The following KHDRBS2 variants were observed in gnomAD, a reference collection of about 807,000 sequenced individuals.
The protein encoded by KHDRBS2 is KH RNA binding domain containing, signal transduction associated 2.
In KHDRBS2, 26 loss-of-function variants were observed where a neutral mutation model predicts 44.3. That is an observed-to-expected ratio of 0.59 (90% CI 0.43 to 0.81). The LOEUF (loss-of-function observed/expected upper bound fraction) is 0.81, where lower values mean the gene tolerates loss of function less well. KHDRBS2 is among the 40% of genes least tolerant of loss of function. The pLI is 0.00. For synonymous variants in KHDRBS2, 194 were observed against 151.1 expected (o/e 1.28, Z -2.08); for missense variants, 476 against 433.1 (o/e 1.10, Z -0.88).
At chr6:62,033,349 A>C (rs1325964676) in intron 3 of KHDRBS2, among the ~76,000 whole-genome samples, 1 of 151,960 alleles carries the variant, frequency 6.6e-6, no homozygotes, top group African/African-American at 2.4e-5. Context: ...ATCAATACTA[A>C]AGTACAAGAA....
chr6:61,594,697 C>A, the KHDRBS2 span, among the ~76,000 whole-genome samples: 1 of 152,028 alleles, frequency 6.6e-6, no homozygotes, highest in Non-Finnish European at 1.5e-5. Flanking sequence ...ACTTTTTGGA[C>A]AATGCTTCCC....
intron 2 of KHDRBS2, among the ~76,000 whole-genome samples, chr6:62,173,364 A>G (rs1318877300): frequency 2.6e-5 from 4 of 152,104 alleles, no homozygotes; most frequent in Non-Finnish European, 5.9e-5. Flanking sequence ...CTGGACACAT[A>G]CAACCTCCCA....
At chr6:61,791,439 T>G (rs184930312) in intron 6 of KHDRBS2, among the ~76,000 whole-genome samples, 3 of 151,642 alleles carry the variant, frequency 2.0e-5, no homozygotes, top group East Asian at 1.9e-4. Context: ...TTATTATCAT[T>G]GAATTATAAA....
At chr6:61,720,163 A>C (rs1452333043) in intron 7 of KHDRBS2, among the ~76,000 whole-genome samples, 2 of 152,192 alleles carry the variant, frequency 1.3e-5, no homozygotes, top group Non-Finnish European at 2.9e-5. Flanking sequence ...ACGTTTTCTT[A>C]ATCCAGTCTA....
the KHDRBS2 span, among the ~76,000 whole-genome samples, chr6:61,671,007 A>G: frequency 6.6e-6 from 1 of 151,648 alleles, no homozygotes; most frequent in Non-Finnish European, 1.5e-5. Flanking sequence ...GGTATTGCGA[A>G]AATGACACAA....
At chr6:61,577,844 A>G in the KHDRBS2 span, among the ~76,000 whole-genome samples, 1 of 152,208 alleles carries the variant, frequency 6.6e-6, no homozygotes, top group Non-Finnish European at 1.5e-5. Flanking sequence ...GTCGAACATG[A>G]GAGCTGTAAA....
chr6:62,118,869 G>A (rs779585290), intron 2 of KHDRBS2, among the ~76,000 whole-genome samples: 1 of 152,188 alleles, frequency 6.6e-6, no homozygotes, highest in Non-Finnish European at 1.5e-5. Flanking sequence ...AGGCTGAACT[G>A]TCAGTTTCCC....
At chr6:61,907,997 G>C (rs950695562) in intron 4 of KHDRBS2, among the ~76,000 whole-genome samples, 1 of 152,092 alleles carries the variant, frequency 6.6e-6, no homozygotes, top group African/African-American at 2.4e-5. Context: ...ATAGTATTGA[G>C]TTCTAAGATT....
intron 3 of KHDRBS2, among the ~76,000 whole-genome samples, chr6:61,987,557 A>C (rs191627376): frequency 6.6e-6 from 1 of 152,304 alleles, no homozygotes; most frequent in East Asian, 1.9e-4. Flanking sequence ...GAAATAAATA[A>C]ATCTATTGTC....
At chr6:62,279,669 C>T (rs1402628075) in intron 1 of KHDRBS2, among the ~76,000 whole-genome samples, 1 of 151,992 alleles carries the variant, frequency 6.6e-6, no homozygotes, top group African/African-American at 2.4e-5. Context: ...GAAAGGCTTA[C>T]TAGAAGAAGG....
chr6:62,273,080 G>A (rs1840341657), intron 1 of KHDRBS2, among the ~76,000 whole-genome samples: 1 of 152,090 alleles, frequency 6.6e-6, no homozygotes, highest in South Asian at 2.1e-4. Flanking sequence ...AGAAATAATG[G>A]ACTTAGGGAG....
chr6:62,271,663 G>T (rs913008318), intron 1 of KHDRBS2, among the ~76,000 whole-genome samples: 1 of 152,012 alleles, frequency 6.6e-6, no homozygotes, highest in Non-Finnish European at 1.5e-5. Context: ...TGAAATTGAT[G>T]ATCCTGATCT....
At chr6:61,828,528 C>T (rs1385449253) in intron 6 of KHDRBS2, among the ~76,000 whole-genome samples, 1 of 152,156 alleles carries the variant, frequency 6.6e-6, no homozygotes, top group African/African-American at 2.4e-5. Flanking sequence ...CTTGATAAAA[C>T]ATCAAGAGTT....
chr6:61,880,934 A>G (rs1287032987), intron 6 of KHDRBS2, among the ~76,000 whole-genome samples: 2 of 151,946 alleles, frequency 1.3e-5, no homozygotes, highest in Admixed American at 6.6e-5. Flanking sequence ...GCTGCTGACA[A>G]ACATTTGCTT....
chr6:61,952,500 G>A (rs766196606), intron 4 of KHDRBS2, among the ~76,000 whole-genome samples: 25 of 152,084 alleles, frequency 1.6e-4, no homozygotes, highest in Non-Finnish European at 3.1e-4. Flanking sequence ...CCATACAGAT[G>A]TGTTTTTATT....
chr6:61,751,997 C>CTT (rs1777772608), intron 6 of KHDRBS2, among the ~76,000 whole-genome samples: 1 of 151,790 alleles, frequency 6.6e-6, no homozygotes, highest in Non-Finnish European at 1.5e-5. Context: ...CAAATCATAT[C>CTT]CAATTAGGGT....
intron 6 of KHDRBS2, among the ~76,000 whole-genome samples, chr6:61,851,192 GA>G (rs879367067): frequency 1.3e-5 from 2 of 151,358 alleles, no homozygotes; most frequent in African/African-American, 2.4e-5. Context: ...GAAAAAATGA[GA>G]AAAAAATATA....
intron 4 of KHDRBS2, among the ~76,000 whole-genome samples, chr6:61,947,517 A>G (rs777107293): frequency 2.0e-5 from 3 of 152,106 alleles, no homozygotes. Flanking sequence ...GAGGAGAAAA[A>G]CAGAAGTGGA....
At chr6:61,596,581 C>T in the KHDRBS2 span, among the ~76,000 whole-genome samples, 4 of 152,086 alleles carry the variant, frequency 2.6e-5, no homozygotes, top group Non-Finnish European at 5.9e-5. Flanking sequence ...ATTCTGATGA[C>T]CTGTTTTATT....
Sources: allele counts gnomAD v4.1 joint callset (sites outside exome capture counted in the v4.1 genomes callset), GRCh38; gene constraint gnomAD v4.1.1; transcripts MANE v1.5; gene names NCBI Gene and HGNC (gene_info 2026-07-23, HGNC 2026-07-21).